GRB14: variants seen among roughly 807,000 people sequenced by gnomAD.
GRB14 encodes growth factor receptor-bound protein 14.
A neutral mutation model predicts 69.1 loss-of-function variants in GRB14; 38 were observed. That is an observed-to-expected ratio of 0.55 (90% CI 0.42 to 0.72). The LOEUF is 0.72. GRB14 is among the 30% of genes least tolerant of loss of function. GRB14 has a pLI of 0.00. For missense variants in GRB14, 666 were observed against 666.1 expected, an observed-to-expected ratio of 1.00 and a Z score of 0.00; for synonymous variants, 247 against 241.3, an observed-to-expected ratio of 1.02 and a Z score of -0.22.
chr2:164,560,171 G>C (rs1481485955), intron 2 of GRB14, among the ~76,000 whole-genome samples: 1 of 152,154 alleles, frequency 6.6e-6, no homozygotes, highest in African/African-American at 2.4e-5. Context: ...TGTTCGTCCA[G>C]TATTTAGGCT....
chr2:164,560,932 T>C (rs1234857900), intron 2 of GRB14, among the ~76,000 whole-genome samples: 1 of 152,186 alleles, frequency 6.6e-6, no homozygotes, highest in Non-Finnish European at 1.5e-5. Flanking sequence ...TTATCCTTTC[T>C]AGGGGTTTAG....
chr2:164,600,336 G>A (rs572234346), intron 2 of GRB14, among the ~76,000 whole-genome samples: 1 of 152,262 alleles, frequency 6.6e-6, no homozygotes, highest in East Asian at 1.9e-4. Context: ...TTGAGATGAA[G>A]CAAACAGATG....
chr2:164,589,966 G>A (rs1689624205), intron 2 of GRB14, among the ~76,000 whole-genome samples: 1 of 152,100 alleles, frequency 6.6e-6, no homozygotes, highest in Non-Finnish European at 1.5e-5. Context: ...TTTACATGGT[G>A]AATGAGAGCT....
At chr2:164,618,885 C>T (rs890230258) in intron 2 of GRB14, among the ~76,000 whole-genome samples, 5 of 152,118 alleles carry the variant, frequency 3.3e-5, no homozygotes, top group Non-Finnish European at 5.9e-5. Flanking sequence ...TTGTTTCCAC[C>T]CTTGTAAGAA....
At chr2:164,562,383 T>C (rs1688852172) in intron 2 of GRB14, among the ~76,000 whole-genome samples, 1 of 152,226 alleles carries the variant, frequency 6.6e-6, no homozygotes, top group Non-Finnish European at 1.5e-5. Context: ...GATTCATTTT[T>C]TTTAATTCAA....
chr2:164,514,911 A>C (rs1409340879), intron 6 of GRB14, among the ~76,000 whole-genome samples: 3 of 152,112 alleles, frequency 2.0e-5, no homozygotes, highest in Admixed American at 2.0e-4. Context: ...GCTGCACAGG[A>C]GCTGCGTGAG....
intron 2 of GRB14, among the ~76,000 whole-genome samples, chr2:164,552,881 A>G (rs535233625): frequency 6.6e-6 from 1 of 152,302 alleles, no homozygotes; most frequent in African/African-American, 2.4e-5. Flanking sequence ...TGCTTCTGCC[A>G]AAGATGATGT....
intron 4 of GRB14, 90 bp downstream of exon 4, chr2:164,526,924 A>T (rs1687787383): frequency 1.2e-6 from 1 of 825,252 alleles, no homozygotes; most frequent in Admixed American, 2.5e-5. Flanking sequence ...ACCGAATAGG[A>T]CTGTATTTTA....
chr2:164,593,645 A>G (rs1479186121), intron 2 of GRB14, among the ~76,000 whole-genome samples: 1 of 152,166 alleles, frequency 6.6e-6, no homozygotes, highest in Admixed American at 6.5e-5. Flanking sequence ...AGGAGAGAGA[A>G]AAAAGGAATT....
At chr2:164,513,995 T>A (rs1687410989) in intron 6 of GRB14, among the ~76,000 whole-genome samples, 2 of 152,214 alleles carry the variant, frequency 1.3e-5, no homozygotes, top group African/African-American at 4.8e-5. Context: ...GAATACACAT[T>A]TATGTTTAAG....
At chr2:164,531,694 T>C (rs905419372) in intron 3 of GRB14, among the ~76,000 whole-genome samples, 3 of 152,100 alleles carry the variant, frequency 2.0e-5, no homozygotes, top group Admixed American at 6.6e-5. Context: ...GTGGAGTGGA[T>C]GGAGACTGTG....
At chr2:164,506,615 C>T (rs970993426) in intron 8 of GRB14, among the ~76,000 whole-genome samples, 4 of 152,074 alleles carry the variant, frequency 2.6e-5, no homozygotes, top group African/African-American at 4.8e-5. Context: ...CATGTATTCC[C>T]CCAAAATCGA....
At chr2:164,537,754 T>A (rs1176392359) in intron 3 of GRB14, among the ~76,000 whole-genome samples, 1 of 152,188 alleles carries the variant, frequency 6.6e-6, no homozygotes, top group Non-Finnish European at 1.5e-5. Context: ...TCTTTGCTAG[T>A]TACATATTGC....
intron 2 of GRB14, among the ~76,000 whole-genome samples, chr2:164,617,452 C>G (rs1690324978): frequency 6.6e-6 from 1 of 151,944 alleles, no homozygotes; most frequent in Non-Finnish European, 1.5e-5. Context: ...CAGTTTAAAC[C>G]TGATCTGAGG....
At chr2:164,574,082 G>T in intron 2 of GRB14, 1 of 885,384 alleles carries the variant, frequency 1.1e-6, no homozygotes, top group Non-Finnish European at 1.8e-6. Context: ...CAGAAACTCT[G>T]GTTTTACCAG....
intron 2 of GRB14, 121 bp downstream of exon 2, chr2:164,619,564 CAG>C (rs1690393700): frequency 1.6e-6 from 1 of 637,586 alleles, no homozygotes; most frequent in East Asian, 2.8e-5. Context: ...TGTCAGTCAA[CAG>C]AGTTATTTAA....
intron 2 of GRB14, among the ~76,000 whole-genome samples, chr2:164,580,392 C>T (rs938550885): frequency 1.3e-5 from 2 of 151,252 alleles, no homozygotes; most frequent in African/African-American, 4.8e-5. Flanking sequence ...CATGCCCAGC[C>T]TTATGATACA....
At chr2:164,570,784 G>A (rs1483774473) in intron 2 of GRB14, among the ~76,000 whole-genome samples, 3 of 152,094 alleles carry the variant, frequency 2.0e-5, no homozygotes, top group Non-Finnish European at 4.4e-5. Flanking sequence ...TAAAATGAAC[G>A]CTTCAATTCA....
intron 9 of GRB14, among the ~76,000 whole-genome samples, chr2:164,501,652 G>A (rs1011904653): frequency 6.6e-6 from 1 of 152,232 alleles, no homozygotes; most frequent in East Asian, 1.9e-4. Context: ...CAGTGCTAGA[G>A]TTAATGTAAC....
Sources: gnomAD v4.1 joint callset for allele counts (sites outside exome capture counted in the v4.1 genomes callset) on GRCh38, gnomAD v4.1.1 for gene constraint, MANE v1.5 for transcripts, NCBI Gene and HGNC (gene_info 2026-07-23, HGNC 2026-07-21) for gene names.